The following VEZT variants were observed in gnomAD, a reference collection of about 807,000 sequenced individuals.
The protein encoded by VEZT is vezatin.
Under a neutral mutation model 79.9 loss-of-function variants are expected in VEZT, and 39 were observed. The ratio of observed to expected loss-of-function variants is 0.49; its 90% CI spans 0.38 to 0.64. The LOEUF is 0.64. Ranked by LOEUF, VEZT falls within the 30% of genes least tolerant of loss-of-function variation. VEZT has a pLI of 0.00. For synonymous variants in VEZT, 325 were observed against 327.6 expected, an observed-to-expected ratio of 0.99 and a Z score of 0.09; for missense variants, 837 against 893.1, an observed-to-expected ratio of 0.94 and a Z score of 0.80.
intron 1 of VEZT, among the ~76,000 whole-genome samples, chr12:95,227,623 G>A (rs969312692): frequency 6.6e-6 from 1 of 152,128 alleles, no homozygotes; most frequent in Non-Finnish European, 1.5e-5. Context: ...TTATAGGCAT[G>A]AGCCACCATG....
In VEZT at chr12:95,282,444, T is replaced by G; in HGVS notation, c.1128T>G (p.Asp376Glu). The change falls in exon 8 of 12, where the codon GAT becomes GAG. Residue 376 changes from aspartate (D) to glutamate (E), a missense_variant. Asp to Glu is a conservative substitution (Grantham distance 45, BLOSUM62 2). Coordinates refer to ENST00000436874, the MANE Select transcript of VEZT (RefSeq NM_017599.4). ...PALLPHRILS[D>E]VTQGLPHAHS... ...TTCTGCCTCATCGTATCTTATCTGA[T>G]GTGACTCAAGGTCTACCTCATGCTC... 6.2e-7 allele frequency: 1 copy of G among 1,614,036 alleles called. No homozygotes were observed. Among genetic ancestry groups the G allele is most frequent in the Non-Finnish European group, 8.5e-7 (1 of 1,179,898 alleles).
chr12:95,238,967 A>C (rs1034131602), intron 1 of VEZT, among the ~76,000 whole-genome samples: 3 of 152,212 alleles, frequency 2.0e-5, no homozygotes. Flanking sequence ...TAATATGGAA[A>C]GGTCTCTAAA....
Position 95,282,647 on chromosome 12 carries a change from A to G in VEZT, c.1328+3A>G, listed in dbSNP as rs753008253. The G allele has an allele frequency of 1.8e-5, 28 of 1,580,998 alleles. No homozygotes were observed. In the South Asian group the frequency reaches 3.1e-4, roughly 18 times the overall value. On this transcript the variant is annotated splice_donor_region_variant and intron_variant, in intron 8 of 11. Coordinates refer to ENST00000436874, the MANE Select transcript of VEZT (RefSeq NM_017599.4). ...CATCTGAAAGCATTACTGAATGAGT[A>G]AGTTTAGAAATTATACCAAGAAAGG... is the stretch of plus-strand genomic sequence containing the variant.
chr12:95,248,442 G>A (rs1336338509), intron 1 of VEZT, among the ~76,000 whole-genome samples: 1 of 152,110 alleles, frequency 6.6e-6, no homozygotes, highest in Non-Finnish European at 1.5e-5. Context: ...GAAGAAAAAA[G>A]TATTCTTGTT....
chr12:95,242,370 T>C (rs1169711866), intron 1 of VEZT: 1 of 152,252 alleles, frequency 6.6e-6, no homozygotes, highest in Non-Finnish European at 1.5e-5. Flanking sequence ...CTGAGACTAT[T>C]AGATAGAAGT....
rs758755892 is a variant in VEZT, at chr12:95,282,478, T to C, written c.1162T>C (p.Cys388Arg). 2.5e-6 allele frequency: 4 copies of C among 1,614,000 alleles called. No individual in the cohort carries two copies. In the Admixed American group the frequency reaches 5.0e-5, roughly 20 times the overall value. ...AGGTCTACCTCATGCTCATTCTGCC[T>C]GTTTGGAAGAGCTTAAGCGCAGCTA... ...TQGLPHAHSA[C>R]LEELKRSYEF... The change falls in exon 8 of 12, where the codon TGT (cysteine) becomes CGT (arginine). Residue 388 changes from cysteine to arginine, a missense_variant. Coordinates refer to ENST00000436874, the MANE Select transcript of VEZT (RefSeq NM_017599.4).
At chr12:95,269,419 T>C (rs1048059907) in intron 5 of VEZT, among the ~76,000 whole-genome samples, 5 of 152,184 alleles carry the variant, frequency 3.3e-5, no homozygotes, top group African/African-American at 9.7e-5. Context: ...GGTCCTGTTA[T>C]CTTTCCACGT....
chr12:95,271,617 G>A (rs1482695456), intron 6 of VEZT, among the ~76,000 whole-genome samples: 1 of 152,200 alleles, frequency 6.6e-6, no homozygotes, highest in Non-Finnish European at 1.5e-5. Context: ...TGAACTGTTG[G>A]TCATTCAGTG....
intron 9 of VEZT, among the ~76,000 whole-genome samples, chr12:95,289,129 T>TTAAA (rs1555292253): frequency 7.1e-6 from 1 of 141,500 alleles, no homozygotes; most frequent in African/African-American, 2.5e-5. Flanking sequence ...AATAAATAAA[T>TTAAA]AAAAAAGGCC....
At chr12:95,239,555 G>C (rs2060609464) in intron 1 of VEZT, among the ~76,000 whole-genome samples, 1 of 152,178 alleles carries the variant, frequency 6.6e-6, no homozygotes, top group Non-Finnish European at 1.5e-5. Flanking sequence ...TTTCTGAAAG[G>C]GTATATGGCT....
intron 1 of VEZT, among the ~76,000 whole-genome samples, chr12:95,219,569 C>G (rs929028415): frequency 6.6e-6 from 1 of 152,068 alleles, no homozygotes; most frequent in South Asian, 2.1e-4. Context: ...TATCCCCTCA[C>G]GTGTATCATA....
chr12:95,250,845 G>A (rs545350894), intron 1 of VEZT, among the ~76,000 whole-genome samples: 16 of 151,824 alleles, frequency 1.1e-4, no homozygotes, highest in African/African-American at 3.9e-4. Context: ...ATGTGGCAAG[G>A]ACTGTCCCAG....
chr12:95,273,321 G>A (rs1483661750), intron 6 of VEZT, among the ~76,000 whole-genome samples: 1 of 151,906 alleles, frequency 6.6e-6, no homozygotes, highest in East Asian at 1.9e-4. Flanking sequence ...GTTTATACAG[G>A]GATAAATATG....
At chr12:95,282,754 G>A in intron 8 of VEZT, 110 bp downstream of exon 8, 3 of 833,042 alleles carry the variant, frequency 3.6e-6, no homozygotes, top group East Asian at 2.7e-5. Context: ...ACAAAACTGA[G>A]GCATGAGCAT....
In VEZT at chr12:95,286,420, T is replaced by A; in HGVS notation, c.1329-1244T>A. The stretch of plus-strand genomic sequence containing the variant: ...CAGCACCAAGTCTGCCTCATCTGAA[T>A]CCTTCCATTTCATGAGCAACATCAA... On this transcript the variant is annotated intron_variant, in intron 8 of 11. Transcript: ENST00000436874. 5.7e-6 allele frequency: 3 copies of A among 526,912 alleles called. No individual in the cohort carries two copies. In the Admixed American group the frequency reaches 6.6e-5, roughly 12 times the overall value. The allele number at this position is 526,912 out of a possible 1,614,324, so 32.6% of individuals were successfully genotyped here. A position where few individuals can be genotyped will look rare whatever the true frequency, so the allele number is the denominator to read the frequency against.
intron 7 of VEZT, among the ~76,000 whole-genome samples, chr12:95,275,170 G>T (rs556986559): frequency 3.3e-5 from 5 of 152,270 alleles, no homozygotes; most frequent in African/African-American, 9.6e-5. Flanking sequence ...TTAATTGGAG[G>T]CCAACGTGAG....
chr12:95,299,125 A>T (rs1188673397), intron 11 of VEZT: 1 of 154,994 alleles, frequency 6.5e-6, no homozygotes, highest in African/African-American at 2.4e-5. Flanking sequence ...AGAGGGGGAA[A>T]GTCTGCACTG....
chr12:95,221,679 T>TA (rs368598048), intron 1 of VEZT, among the ~76,000 whole-genome samples: 52 of 143,188 alleles, frequency 3.6e-4, no homozygotes, highest in Admixed American at 5.6e-4. Context: ...CCCTGCATAT[T>TA]AAAAAAAAAA....
intron 1 of VEZT, among the ~76,000 whole-genome samples, chr12:95,235,522 G>T (rs1358927433): frequency 1.4e-5 from 2 of 142,352 alleles, no homozygotes; most frequent in Admixed American, 1.4e-4. Flanking sequence ...CCCGGACGGG[G>T]CAGCTGGCCG....
Sources: gnomAD v4.1 joint callset for allele counts (sites outside exome capture counted in the v4.1 genomes callset) on GRCh38, gnomAD v4.1.1 for gene constraint, MANE v1.5 for transcripts, NCBI Gene and HGNC (gene_info 2026-07-23, HGNC 2026-07-21) for gene names.